RABEP1: variants seen among roughly 807,000 people sequenced by gnomAD.
The protein encoded by RABEP1 is rab GTPase-binding effector protein 1.
Under a neutral mutation model 123.4 loss-of-function variants are expected in RABEP1, and 51 were observed. The ratio of observed to expected loss-of-function variants is 0.41; its 90% CI spans 0.33 to 0.52. The LOEUF is 0.52. Among genes scored for constraint, RABEP1 ranks in the 20% least tolerant of loss-of-function variants. RABEP1 has a pLI of 0.16. For missense variants in RABEP1, 888 were observed against 996.3 expected (o/e 0.89, Z 1.46); for synonymous variants, 347 against 355.2 (o/e 0.98, Z 0.26).
chr17:5,366,539 G>A (rs771030288), intron 11 of RABEP1, among the ~76,000 whole-genome samples: 11 of 151,900 alleles, frequency 7.2e-5, no homozygotes, highest in Non-Finnish European at 1.6e-4. Flanking sequence ...TCTGTTTCCC[G>A]GGTTCAAGCA....
chr17:5,296,609 C>T (rs918611834), intron 1 of RABEP1, among the ~76,000 whole-genome samples: 9 of 152,024 alleles, frequency 5.9e-5, no homozygotes, highest in African/African-American at 2.2e-4. Context: ...GGAAACATTT[C>T]ATTTTTTTCT....
Position 5,337,992 on chromosome 17 carries a change from G to A in RABEP1, c.529-27G>A, listed in dbSNP as rs145990020. 568 of 1,586,378 alleles carry A rather than the reference G, an allele frequency of 3.6e-4. 4 individuals are homozygous for A. In the African/African-American group the frequency reaches 5.7e-3, roughly 16 times the overall value. ...TAGAAAAGCAGTAAATGAATAAGTCGTAGCATTTAATTCTTTTTAACCATA... is the reference window on the plus strand; with the variant it reads ...TAGAAAAGCAGTAAATGAATAAGTCATAGCATTTAATTCTTTTTAACCATA... On this transcript the variant is annotated intron_variant, in intron 4 of 17. Transcript: ENST00000537505.
At chr17:5,335,558 G>A (rs1387110704) in intron 4 of RABEP1, among the ~76,000 whole-genome samples, 1 of 151,950 alleles carries the variant, frequency 6.6e-6, no homozygotes, top group Non-Finnish European at 1.5e-5. Context: ...CTACTTCATG[G>A]GGTTTTTCCC....
chr17:5,364,151 T>C (rs1252192543), intron 10 of RABEP1, among the ~76,000 whole-genome samples: 2 of 152,264 alleles, frequency 1.3e-5, no homozygotes, highest in African/African-American at 4.8e-5. Flanking sequence ...ACTAATGTAG[T>C]TGGCCCCTGA....
intron 12 of RABEP1, among the ~76,000 whole-genome samples, chr17:5,370,205 T>G (rs1910418538): frequency 6.6e-6 from 1 of 152,216 alleles, no homozygotes; most frequent in African/African-American, 2.4e-5. Flanking sequence ...TCTTAGTCTT[T>G]CTGTGTATGT....
chr17:5,294,799 C>T (rs2075066772), intron 1 of RABEP1, among the ~76,000 whole-genome samples: 1 of 151,164 alleles, frequency 6.6e-6, no homozygotes, highest in Admixed American at 6.6e-5. Flanking sequence ...AGGCGCCTGC[C>T]ACCACGCCAG....
At chr17:5,362,697 C>T (rs1403978924) in intron 9 of RABEP1, among the ~76,000 whole-genome samples, 2 of 152,122 alleles carry the variant, frequency 1.3e-5, no homozygotes, top group Non-Finnish European at 2.9e-5. Context: ...TGCCTCTTGG[C>T]GATAAATTGT....
At chr17:5,335,710 A>G (rs1456481373) in intron 4 of RABEP1, among the ~76,000 whole-genome samples, 1 of 151,892 alleles carries the variant, frequency 6.6e-6, no homozygotes, top group Non-Finnish European at 1.5e-5. Flanking sequence ...TATTGTGTTT[A>G]TTGTTTACTG....
At chr17:5,318,997 C>T (rs1386945145) in intron 2 of RABEP1, among the ~76,000 whole-genome samples, 3 of 152,032 alleles carry the variant, frequency 2.0e-5, no homozygotes, top group Non-Finnish European at 4.4e-5. Flanking sequence ...ATCAGAATAC[C>T]ACTTTGTACC....
At chr17:5,318,385 CAATG>C (rs200068279) in intron 2 of RABEP1, among the ~76,000 whole-genome samples, 54 of 152,052 alleles carry the variant, frequency 3.6e-4, no homozygotes, top group African/African-American at 1.2e-3. Flanking sequence ...AATTATATCT[CAATG>C]AAGTTGTTAC....
intron 17 of RABEP1, among the ~76,000 whole-genome samples, chr17:5,382,138 G>C (rs1911524243): frequency 1.3e-5 from 2 of 150,460 alleles, no homozygotes; most frequent in African/African-American, 4.9e-5. Context: ...CTAGAGTGCA[G>C]TGGTGTGATC....
chr17:5,292,870 TA>T (rs1396247666), intron 1 of RABEP1, among the ~76,000 whole-genome samples: 2 of 152,148 alleles, frequency 1.3e-5, no homozygotes, highest in Non-Finnish European at 2.9e-5. Flanking sequence ...TTAGTAGAGA[TA>T]AGGTTTTTCC....
chr17:5,295,892 T>C lies in RABEP1; in HGVS notation c.35-12802T>C, dbSNP rs532439100. 2.6e-5 allele frequency among the ~76,000 whole-genome samples: 4 copies of C among 152,340 alleles called. No individual in the cohort carries two copies. The East Asian group carries it at 7.7e-4, about 29-fold the overall frequency. ...TAGTTCTGATTTCTTTTTGGGACTA[T>C]TTATTCCTTTAAATCTTCTACTGTT... On this transcript the variant is annotated intron_variant, in intron 1 of 17. Coordinates refer to ENST00000537505, the MANE Select transcript of RABEP1 (RefSeq NM_004703.6).
chr17:5,311,249 T>C (rs1443272209), intron 2 of RABEP1, among the ~76,000 whole-genome samples: 1 of 152,214 alleles, frequency 6.6e-6, no homozygotes, highest in African/African-American at 2.4e-5. Context: ...GAGATGTTAC[T>C]GTTCAGAGAC....
intron 2 of RABEP1, among the ~76,000 whole-genome samples, chr17:5,317,204 A>G (rs2075306778): frequency 6.6e-6 from 1 of 152,200 alleles, no homozygotes; most frequent in Non-Finnish European, 1.5e-5. Flanking sequence ...TCACAAAAGA[A>G]CTAGCAAATC....
At chr17:5,296,937 C>T (rs79970806) in intron 1 of RABEP1, among the ~76,000 whole-genome samples, 20,597 of 152,036 alleles carry the variant, frequency 0.14, 1,449 homozygotes, top group East Asian at 0.18. Context: ...AGAGGTTTCA[C>T]CATGTTGCTC....
intron 2 of RABEP1, among the ~76,000 whole-genome samples, chr17:5,309,856 C>G (rs925913580): frequency 6.6e-6 from 1 of 152,098 alleles, no homozygotes; most frequent in African/African-American, 2.4e-5. Context: ...TCATCATCAC[C>G]TGGGAAAGTT....
Position 5,365,201 on chromosome 17 carries a change from A to G in RABEP1, c.1748A>G (p.Asp583Gly). The change falls in exon 11 of 18, where the codon GAC becomes GGC. Residue 583 changes from aspartate (D) to glycine (G), a missense_variant. Asp to Gly is a moderately conservative substitution (Grantham distance 94). Coordinates refer to ENST00000537505, the MANE Select transcript of RABEP1 (RefSeq NM_004703.6). ...ATGAAAGATAAGCAGGAGCTGGAAG[A>G]CTTCATAAAGCAAAGCAGCGAAGAT... Reference protein sequence around the residue: ...KTMKDKQELEDFIKQSSEDSS... With the variant: ...KTMKDKQELEGFIKQSSEDSS... 1 of 1,611,676 alleles carries G rather than the reference A, an allele frequency of 6.2e-7. No individual in the cohort carries two copies. Among genetic ancestry groups the G allele is most frequent in the East Asian group, 2.2e-5 (1 of 44,708 alleles).
intron 5 of RABEP1, among the ~76,000 whole-genome samples, chr17:5,345,995 A>G (rs1235060347): frequency 6.6e-6 from 1 of 152,154 alleles, no homozygotes; most frequent in Non-Finnish European, 1.5e-5. Flanking sequence ...ATATTAGACT[A>G]TATTGTTACT....
Sources: allele counts gnomAD v4.1 joint callset (sites outside exome capture counted in the v4.1 genomes callset), GRCh38; gene constraint gnomAD v4.1.1; transcripts MANE v1.5; gene names NCBI Gene and HGNC (gene_info 2026-07-23, HGNC 2026-07-21).